The following BICD1 variants were observed in gnomAD, a reference collection of about 807,000 sequenced individuals.
BICD1 encodes the protein protein bicaudal D homolog 1.
BICD1 carries 35 observed loss-of-function variants against 92.5 expected under a neutral mutation model. That is an observed-to-expected ratio of 0.38 (90% CI 0.29 to 0.50). The LOEUF is 0.50. Among genes scored for constraint, BICD1 ranks in the 20% least tolerant of loss-of-function variants. The pLI is 0.93. For synonymous variants in BICD1, 429 were observed against 465.1 expected, an observed-to-expected ratio of 0.92 and a Z score of 1.00; for missense variants, 950 against 1,189.8, an observed-to-expected ratio of 0.80 and a Z score of 2.97.
chr12:32,186,169 G>T (rs903951574), intron 1 of BICD1, among the ~76,000 whole-genome samples: 1 of 152,094 alleles, frequency 6.6e-6, no homozygotes, highest in Non-Finnish European at 1.5e-5. Context: ...GTGGCTCTTC[G>T]TTACTGTGTT....
intron 8 of BICD1, among the ~76,000 whole-genome samples, chr12:32,342,021 T>C (rs983953815): frequency 3.3e-5 from 5 of 151,462 alleles, no homozygotes; most frequent in Non-Finnish European, 7.4e-5. Context: ...GTTTAACCAT[T>C]ATAAAATTTG....
chr12:32,299,790 T>A (rs1176002889), intron 3 of BICD1, among the ~76,000 whole-genome samples: 1 of 152,140 alleles, frequency 6.6e-6, no homozygotes, highest in African/African-American at 2.4e-5. Context: ...CCTGCCTGGG[T>A]GACATAGCAA....
Position 32,115,122 on chromosome 12 carries a change from G to T in BICD1, c.213+7578G>T, listed in dbSNP as rs1025413675. 5.3e-5 allele frequency among the ~76,000 whole-genome samples: 8 copies of T among 152,136 alleles called. No individual in the cohort carries two copies. In the South Asian group the frequency reaches 1.0e-3, roughly 20 times the overall value. On this transcript the variant is annotated intron_variant, in intron 1 of 9. Coordinates refer to ENST00000652176, the MANE Select transcript of BICD1 (RefSeq NM_001714.4). ...TTCTCCCTCCTCAGCCTCCCAAAGT[G>T]CTGGGATTACAGGCATGAGCCATTG...
chr12:32,345,721 C>T (rs796287374), intron 8 of BICD1, among the ~76,000 whole-genome samples: 1 of 152,162 alleles, frequency 6.6e-6, no homozygotes, highest in African/African-American at 2.4e-5. Flanking sequence ...TCTATGTGTG[C>T]AATAGAAATA....
chr12:32,257,211 C>CA (rs35294412), intron 2 of BICD1, among the ~76,000 whole-genome samples: 9,794 of 77,276 alleles, frequency 0.13, 805 homozygotes, highest in East Asian at 0.31. Flanking sequence ...GACTCTGTCT[C>CA]AAAAAAAAAA....
rs562203934 is a variant in BICD1, at chr12:32,133,385, G to A, written c.213+25841G>A. ...CACCTGTAATCCTAGCTACTCGGGAGGTTGAGGCACAAGAATCACTTGAAC... is the reference window on the plus strand; with the variant it reads ...CACCTGTAATCCTAGCTACTCGGGAAGTTGAGGCACAAGAATCACTTGAAC... On this transcript the variant is annotated intron_variant, in intron 1 of 9. Coordinates refer to ENST00000652176, the MANE Select transcript of BICD1 (RefSeq NM_001714.4). 3.7e-4 allele frequency among the ~76,000 whole-genome samples: 56 copies of A among 152,104 alleles called. 1 individual carries two copies. Among genetic ancestry groups the A allele is most frequent in the African/African-American group, 1.4e-3 (56 of 41,480 alleles).
At chr12:32,345,966 T>G (rs1276998496) in intron 8 of BICD1, among the ~76,000 whole-genome samples, 1 of 151,986 alleles carries the variant, frequency 6.6e-6, no homozygotes, top group African/African-American at 2.4e-5. Flanking sequence ...CTGGGCAACA[T>G]GGCGAAACCA....
rs117851528 is a variant in BICD1, at chr12:32,377,917, G to A, written c.*290G>A. 106 of 304,612 alleles carry A rather than the reference G, an allele frequency of 3.5e-4. No individual in the cohort carries two copies. In the East Asian group the frequency reaches 6.7e-3, roughly 19 times the overall value. The allele number at this position is 304,612 out of a possible 1,614,324, so 18.9% of individuals were successfully genotyped here. A position where few individuals can be genotyped will look rare whatever the true frequency, so the allele number is the denominator to read the frequency against. The stretch of plus-strand genomic sequence containing the variant: ...AGAAACAGAAAACGTGTCTCAGATG[G>A]CTGGCTTTACCTCGATAGCATAAGA... On this transcript the variant is annotated 3_prime_UTR_variant, in exon 10 of 10. Transcript: ENST00000652176.
chr12:32,297,594 G>A (rs1355453621), intron 3 of BICD1, among the ~76,000 whole-genome samples: 1 of 152,180 alleles, frequency 6.6e-6, no homozygotes, highest in African/African-American at 2.4e-5. Context: ...AAATTGGACT[G>A]TGTTACTTTG....
At chr12:32,265,176 T>G (rs1946957657) in intron 2 of BICD1, among the ~76,000 whole-genome samples, 1 of 151,896 alleles carries the variant, frequency 6.6e-6, no homozygotes, top group African/African-American at 2.4e-5. Flanking sequence ...TTTCTCATGC[T>G]CATCCCATCT....
At chr12:32,184,236 C>T (rs1305890538) in intron 1 of BICD1, among the ~76,000 whole-genome samples, 1 of 152,164 alleles carries the variant, frequency 6.6e-6, no homozygotes, top group East Asian at 1.9e-4. Flanking sequence ...TTTTGCTACT[C>T]TATGGCCTTG....
chr12:32,243,345 C>T (rs1042338577), intron 2 of BICD1, among the ~76,000 whole-genome samples: 2 of 146,238 alleles, frequency 1.4e-5, no homozygotes, highest in African/African-American at 5.1e-5. Context: ...AACTCCTGAG[C>T]TCAAGCGGTC....
intron 1 of BICD1, among the ~76,000 whole-genome samples, chr12:32,129,005 G>A (rs930660374): frequency 7.9e-5 from 12 of 151,820 alleles, no homozygotes; most frequent in East Asian, 1.9e-4. Context: ...GCAGTGGCAC[G>A]ATCTTGGCTC....
chr12:32,111,725 A>G lies in BICD1; in HGVS notation c.213+4181A>G, dbSNP rs1335345308. Among the ~76,000 whole-genome samples, 9 of 151,896 alleles carry G rather than the reference A, an allele frequency of 5.9e-5. No individual in the cohort carries two copies. In the East Asian group the frequency reaches 1.4e-3, roughly 23 times the overall value. On this transcript the variant is annotated intron_variant, in intron 1 of 9. Transcript: ENST00000652176. Reference sequence around the variant, plus strand: ...CGGGTTCACGCCATTCTCCTGCCTCAGCCTCCGGAGTAGCTGAGACTACAC... The same window carrying G: ...CGGGTTCACGCCATTCTCCTGCCTCGGCCTCCGGAGTAGCTGAGACTACAC...
At chr12:32,219,102 A>T (rs78263900) in intron 2 of BICD1, among the ~76,000 whole-genome samples, 1 of 152,202 alleles carries the variant, frequency 6.6e-6, no homozygotes, top group African/African-American at 2.4e-5. Flanking sequence ...CAGTTATGAC[A>T]TGATGGACCA....
At chr12:32,140,485 TTTTG>T (rs1442437024) in intron 1 of BICD1, among the ~76,000 whole-genome samples, 6 of 152,230 alleles carry the variant, frequency 3.9e-5, no homozygotes, top group South Asian at 4.1e-4. Context: ...GTTGTTGTTG[TTTTG>T]TTTGTTTTTT....
intron 1 of BICD1, among the ~76,000 whole-genome samples, chr12:32,188,710 T>G (rs542212461): frequency 1.3e-5 from 2 of 152,186 alleles, no homozygotes; most frequent in South Asian, 4.1e-4. Context: ...ACTTAGTGTT[T>G]TTGGCACTGA....
rs199903813 is a variant in BICD1 at position 32,305,776 on chromosome 12, C to T, written c.659C>T (p.Ala220Val). Residue 220 changes from alanine to valine, a missense_variant, in exon 4 of 10, where the codon GCC becomes GTC. This residue lies in a region of BICD1 where 246 missense variants were observed against 258.4 expected (regional missense o/e 0.95). Coordinates refer to ENST00000652176, the MANE Select transcript of BICD1 (RefSeq NM_001714.4). ...TVLLNSQLEDAIRLKEIAEHQ... is the reference protein window; with the variant it reads ...TVLLNSQLEDVIRLKEIAEHQ... Reference sequence around the variant, plus strand: ...CTGCTGAACAGCCAGCTGGAAGATGCCATCCGATTGAAAGAGATTGCTGAG... The same window carrying T: ...CTGCTGAACAGCCAGCTGGAAGATGTCATCCGATTGAAAGAGATTGCTGAG... 60 of 1,613,978 alleles carry T rather than the reference C, an allele frequency of 3.7e-5. No individual in the cohort carries two copies. The highest frequency in any genetic ancestry group is 4.9e-5 in the Non-Finnish European group (58 of 1,180,034).
At chr12:32,364,220 A>G (rs749368485) in intron 8 of BICD1, among the ~76,000 whole-genome samples, 1 of 152,230 alleles carries the variant, frequency 6.6e-6, no homozygotes, top group African/African-American at 2.4e-5. Flanking sequence ...AACAACAGCA[A>G]TGGCTTTGTG....
Sources: allele counts gnomAD v4.1 joint callset (sites outside exome capture counted in the v4.1 genomes callset), GRCh38; gene constraint gnomAD v4.1.1; regional missense constraint gnomAD v4.1.1; transcripts MANE v1.5; gene names NCBI Gene and HGNC (gene_info 2026-07-23, HGNC 2026-07-21).